Variants in TM4SF18 observed in about 807,000 individuals in gnomAD.
The protein encoded by TM4SF18 is transmembrane 4 L6 family member 18.
TM4SF18 carries 22 observed loss-of-function variants against 23.8 expected under a neutral mutation model. The observed-to-expected ratio is 0.92, with a 90% CI of 0.66 to 1.32. The LOEUF (loss-of-function observed/expected upper bound fraction) is 1.32, where lower values mean the gene tolerates loss of function less well. Ranked by LOEUF, TM4SF18 falls within the 40% of genes most tolerant of loss-of-function variation. TM4SF18 has a pLI of 0.00. For synonymous variants in TM4SF18, 87 were observed against 87.9 expected (o/e 0.99, Z 0.06); for missense variants, 255 against 240.3 (o/e 1.06, Z -0.41).
intron 2 of TM4SF18, among the ~76,000 whole-genome samples, 170 bp downstream of exon 2, chr3:149,333,036 A>G (rs1731118976): frequency 6.6e-6 from 1 of 152,184 alleles, no homozygotes; most frequent in Non-Finnish European, 1.5e-5. Context: ...AAACAGAGCT[A>G]TGTCCCAAAT....
At chr3:149,326,556 G>C (rs192033840) in intron 3 of TM4SF18, among the ~76,000 whole-genome samples, 1 of 152,310 alleles carries the variant, frequency 6.6e-6, no homozygotes, top group East Asian at 1.9e-4. Context: ...AGCATCCACT[G>C]ATGATCCTCA....
chr3:149,320,292 C>T lies in TM4SF18; in HGVS notation c.*1186G>A, dbSNP rs963261187. The T allele has an allele frequency of 6.6e-6, 1 of 152,230 alleles. No homozygotes were observed. The highest frequency in any genetic ancestry group is 2.4e-5 in the African/African-American group (1 of 41,454). The allele number at this position is 152,230 out of a possible 1,614,324, so 9.4% of individuals were successfully genotyped here. On this transcript the variant is annotated 3_prime_UTR_variant, in exon 6 of 6. Coordinates refer to ENST00000296059, the MANE Select transcript of TM4SF18 (RefSeq NM_138786.4). ...GCATTCAACACTGAGTGCCTACTGG[C>T]TTCACTGTGTGCTGGGTCCTATGCA... is the stretch of plus-strand genomic sequence containing the variant.
Position 149,333,327 on chromosome 3 carries a change from AGT to A in TM4SF18, c.54_55del (p.Trp20GlufsTer22). On this transcript the variant is annotated frameshift_variant, in exon 2 of 6. Transcript: ENST00000296059. LOFTEE classifies it high-confidence loss of function. ...TAATATGTTCACGATTATACTCCAA[AGT>A]GCAAGCGGAATCAGCAAACAACTTA... is the stretch of plus-strand genomic sequence containing the variant. 1 of 1,613,794 alleles carries A rather than the reference AGT, an allele frequency of 6.2e-7. No individual in the cohort carries two copies. Among genetic ancestry groups the A allele is most frequent in the Non-Finnish European group, 8.5e-7 (1 of 1,179,870 alleles).
At position 149,319,959 on chromosome 3, in the gene TM4SF18, G is replaced by A. The variant is rs1354725704; in HGVS notation, c.*1519C>T. 1 of 152,272 alleles carries A rather than the reference G, an allele frequency of 6.6e-6. No homozygotes were observed. Among genetic ancestry groups the A allele is most frequent in the Non-Finnish European group, 1.5e-5 (1 of 68,078 alleles). 9.4% of individuals were successfully genotyped at this position (152,272 alleles called of 1,614,324 possible). Reference sequence around the variant, plus strand: ...GGGCCTGCCCCAGTTCAGTCAGCTGGGCCCAGAGCATGAAGGTCATGCGGT... The same window carrying A: ...GGGCCTGCCCCAGTTCAGTCAGCTGAGCCCAGAGCATGAAGGTCATGCGGT... On this transcript the variant is annotated 3_prime_UTR_variant, in exon 6 of 6. Coordinates refer to ENST00000296059, the MANE Select transcript of TM4SF18 (RefSeq NM_138786.4).
Position 149,325,880 on chromosome 3 carries a change from C to G in TM4SF18, c.268-858G>C, listed in dbSNP as rs77162931. ...AAGTTGAAAGTATAGCACAATAAAC[C>G]CCTACATATCCTTTATCTAGAATCA... On this transcript the variant is annotated intron_variant, in intron 3 of 5. Coordinates refer to ENST00000296059, the MANE Select transcript of TM4SF18 (RefSeq NM_138786.4). 1.0e-3 allele frequency among the ~76,000 whole-genome samples: 155 copies of G among 152,180 alleles called. 1 individual carries two copies. The East Asian group carries it at 0.012, about 11-fold the overall frequency.
chr3:149,327,304 G>C (rs1451177298), intron 3 of TM4SF18, among the ~76,000 whole-genome samples: 1 of 152,154 alleles, frequency 6.6e-6, no homozygotes. Context: ...GAAGTGATAT[G>C]CCCAAAATGT....
At position 149,320,341 on chromosome 3, in the gene TM4SF18, G is replaced by A. The variant is rs955386012; in HGVS notation, c.*1137C>T. On this transcript the variant is annotated 3_prime_UTR_variant, in exon 6 of 6. Coordinates refer to ENST00000296059, the MANE Select transcript of TM4SF18 (RefSeq NM_138786.4). The stretch of plus-strand genomic sequence containing the variant: ...CATGGTGGGAAATATATAAGATGTG[G>A]CTACTGTCCCCGAGGAAGACATGGC... The A allele has an allele frequency of 6.6e-6, 1 of 152,218 alleles. No individual in the cohort carries two copies. The highest frequency in any genetic ancestry group is 1.5e-5 in the Non-Finnish European group (1 of 68,058). 9.4% of individuals were successfully genotyped at this position (152,218 alleles called of 1,614,324 possible).
Position 149,333,273 on chromosome 3 carries a change from T to G in TM4SF18, c.110A>C (p.Tyr37Ser), listed in dbSNP as rs763404743. 13 of 1,613,844 alleles carry G rather than the reference T, an allele frequency of 8.1e-6. No homozygotes were observed. In the African/African-American group the frequency reaches 9.3e-5, roughly 12 times the overall value. The change falls in exon 2 of 6, where the codon TAT (tyrosine) becomes TCT (serine). Residue 37 changes from tyrosine to serine, a missense_variant. Coordinates refer to ENST00000296059, the MANE Select transcript of TM4SF18 (RefSeq NM_138786.4). Reference sequence around the variant, plus strand: ...GTTGGTGAGTTTATTGCTGGATGCATAGGAAGTTTGCCCATTCGGGAAATA... The same window carrying G: ...GTTGGTGAGTTTATTGCTGGATGCAGAGGAAGTTTGCCCATTCGGGAAATA... ...LLYFPNGQTS[Y>S]ASSNKLTNYV... is the part of the protein sequence containing the mutation.
rs1730760415 is a variant in TM4SF18, at chr3:149,319,594, G to C, written c.*1884C>G. 6.6e-6 allele frequency: 1 copy of C among 152,242 alleles called. No homozygotes were observed. Among genetic ancestry groups the C allele is most frequent in the Non-Finnish European group, 1.5e-5 (1 of 68,066 alleles). The allele number at this position is 152,242 out of a possible 1,614,324, so 9.4% of individuals were successfully genotyped here. On this transcript the variant is annotated 3_prime_UTR_variant, in exon 6 of 6. Transcript: ENST00000296059. ...GGTTTACTGAAATGATCAGCACAGT[G>C]ACAAAGAAGAAAGACTATCTAGGAA...
Position 149,324,994 on chromosome 3 carries a change from A to C in TM4SF18, c.296T>G (p.Leu99Arg). The C allele has an allele frequency of 6.2e-7, 1 of 1,614,076 alleles. No individual in the cohort carries two copies. Among genetic ancestry groups the C allele is most frequent in the Non-Finnish European group, 8.5e-7 (1 of 1,179,982 alleles). ...VTLLSIIFSS[L>R]GIAFSGYCLV... is the part of the protein sequence containing the mutation. ...GCAGTATCCAGAAAAAGCAATTCCGAGGGAAGAAAAGATAATTGACAGCAG... is the reference window on the plus strand; with the variant it reads ...GCAGTATCCAGAAAAAGCAATTCCGCGGGAAGAAAAGATAATTGACAGCAG... Residue 99 changes from leucine to arginine, a missense_variant, in exon 4 of 6, where the codon CTC becomes CGC. Leu to Arg is a moderately radical substitution (Grantham distance 102). Transcript: ENST00000296059.
chr3:149,333,277 A>C lies in TM4SF18; in HGVS notation c.106T>G (p.Ser36Ala). The stretch of plus-strand genomic sequence containing the variant: ...GTGAGTTTATTGCTGGATGCATAGG[A>C]AGTTTGCCCATTCGGGAAATACAAT... The part of the protein sequence containing the change: ...ILLYFPNGQT[S>A]YASSNKLTNY... The change falls in exon 2 of 6, where the codon TCC becomes GCC. Residue 36 changes from serine (S) to alanine (A), a missense_variant. Transcript: ENST00000296059. The C allele has an allele frequency of 1.2e-6, 2 of 1,613,984 alleles. No homozygotes were observed. The highest frequency in any genetic ancestry group is 2.7e-5 in the African/African-American group (2 of 75,030).
chr3:149,332,358 C>G (rs552801415), intron 2 of TM4SF18, among the ~76,000 whole-genome samples: 1 of 152,164 alleles, frequency 6.6e-6, no homozygotes, highest in Non-Finnish European at 1.5e-5. Context: ...GATTAGCTTA[C>G]AGTCCATAAT....
chr3:149,331,018 T>G (rs547164697), intron 2 of TM4SF18, among the ~76,000 whole-genome samples: 1 of 152,368 alleles, frequency 6.6e-6, no homozygotes, highest in South Asian at 2.1e-4. Context: ...TTCCTTTTTT[T>G]AAATTTTATT....
At chr3:149,330,308 T>G in intron 3 of TM4SF18, 22 bp downstream of exon 3, 1 of 1,567,180 alleles carries the variant, frequency 6.4e-7, no homozygotes, top group East Asian at 2.2e-5. Context: ...TCAACCATCC[T>G]CAAAAAAACT....
Position 149,321,328 on chromosome 3 carries a change from T to A in TM4SF18, c.*150A>T. On this transcript the variant is annotated 3_prime_UTR_variant, in exon 6 of 6. Coordinates refer to ENST00000296059, the MANE Select transcript of TM4SF18 (RefSeq NM_138786.4). Reference sequence around the variant, plus strand: ...ATACTAAATGGAAGGGTGGTATACTTGCATGTGCAGTGAGGACTGCAAATT... The same window carrying A: ...ATACTAAATGGAAGGGTGGTATACTAGCATGTGCAGTGAGGACTGCAAATT... 2.0e-6 allele frequency: 1 copy of A among 500,322 alleles called. No homozygotes were observed. The allele number at this position is 500,322 out of a possible 1,614,324, so 31.0% of individuals were successfully genotyped here.
chr3:149,333,203 T>C lies in TM4SF18; in HGVS notation c.177+3A>G. The C allele has an allele frequency of 6.2e-7, 1 of 1,608,664 alleles. No individual in the cohort carries two copies. Among genetic ancestry groups the C allele is most frequent in the Non-Finnish European group, 8.5e-7 (1 of 1,177,208 alleles). On this transcript the variant is annotated splice_donor_region_variant and intron_variant, in intron 2 of 5. Coordinates refer to ENST00000296059, the MANE Select transcript of TM4SF18 (RefSeq NM_138786.4). Reference sequence around the variant, plus strand: ...TCTCCCAAGTCTCCAAATTCATACTTACCATGATGCCTGAGAAACAGATTC... The same window carrying C: ...TCTCCCAAGTCTCCAAATTCATACTCACCATGATGCCTGAGAAACAGATTC...
At chr3:149,329,192 ACACACG>A (rs1341022738) in intron 3 of TM4SF18, among the ~76,000 whole-genome samples, 1 of 148,508 alleles carries the variant, frequency 6.7e-6, no homozygotes, top group African/African-American at 2.5e-5. Context: ...ACACACACAC[ACACACG>A]AGTGTATTTT....
chr3:149,327,977 G>A (rs1730993251), intron 3 of TM4SF18, among the ~76,000 whole-genome samples: 1 of 152,074 alleles, frequency 6.6e-6, no homozygotes, highest in African/African-American at 2.4e-5. Flanking sequence ...GACAGGAATG[G>A]TACCTATGTG....
Position 149,321,336 on chromosome 3 carries a change from C to T in TM4SF18, c.*142G>A. The T allele has an allele frequency of 1.9e-6, 1 of 539,762 alleles. No homozygotes were observed. Among genetic ancestry groups the T allele is most frequent in the Non-Finnish European group, 3.3e-6 (1 of 302,360 alleles). 33.4% of individuals were successfully genotyped at this position (539,762 alleles called of 1,614,324 possible). A position where few individuals can be genotyped will look rare whatever the true frequency, so the allele number is the denominator to read the frequency against. The stretch of plus-strand genomic sequence containing the variant: ...TGGAAGGGTGGTATACTTGCATGTG[C>T]AGTGAGGACTGCAAATTTTTTACAA... On this transcript the variant is annotated 3_prime_UTR_variant, in exon 6 of 6. Transcript: ENST00000296059.
Sources: gnomAD v4.1 joint callset for allele counts (sites outside exome capture counted in the v4.1 genomes callset) on GRCh38, gnomAD v4.1.1 for gene constraint, MANE v1.5 for transcripts, NCBI Gene and HGNC (gene_info 2026-07-23, HGNC 2026-07-21) for gene names.